The following GATAD2A variants were observed in gnomAD, a reference collection of about 807,000 sequenced individuals.
The protein encoded by GATAD2A is GATA zinc finger domain containing 2A, also known as transcriptional repressor p66-alpha.
A neutral mutation model predicts 68.5 loss-of-function variants in GATAD2A; 12 were observed. The observed-to-expected ratio is 0.18, with a 90% CI of 0.11 to 0.28. The LOEUF (loss-of-function observed/expected upper bound fraction) is 0.28, where lower values mean the gene tolerates loss of function less well. Among genes scored for constraint, GATAD2A ranks in the 10% least tolerant of loss-of-function variants. GATAD2A has a pLI of 1.00. For synonymous variants in GATAD2A, 410 were observed against 375.3 expected (o/e 1.09, Z -1.07); for missense variants, 755 against 868.5 (o/e 0.87, Z 1.64).
chr19:19,462,969 GTTTC>G (rs2057569731), intron 1 of GATAD2A, among the ~76,000 whole-genome samples: 2 of 152,140 alleles, frequency 1.3e-5, no homozygotes, highest in Non-Finnish European at 2.9e-5. Context: ...GAGCATGGGG[GTTTC>G]TTTGAGTCAC....
At chr19:19,502,952 C>T (rs1386369368) in intron 11 of GATAD2A, among the ~76,000 whole-genome samples, 2 of 152,182 alleles carry the variant, frequency 1.3e-5, no homozygotes, top group Non-Finnish European at 2.9e-5. Context: ...CAAAGTAGAA[C>T]AGTAATGCGG....
chr19:19,465,292 C>T lies in GATAD2A; in HGVS notation c.-6-48C>T, dbSNP rs1374804908. 1.3e-5 allele frequency: 19 copies of T among 1,439,462 alleles called. No individual in the cohort carries two copies. The East Asian group carries it at 4.1e-4, about 31-fold the overall frequency. The allele number at this position is 1,439,462 out of a possible 1,614,324, so 89.2% of individuals were successfully genotyped here. The stretch of plus-strand genomic sequence containing the variant: ...CTGAAAAGTCTCCAAGAAGGTGGCA[C>T]CTTCATTGCACCCAGTTAAAATGTT... On this transcript the variant is annotated intron_variant, in intron 1 of 11. Transcript: ENST00000683918.
At chr19:19,463,878 G>A (rs2057664821) in intron 1 of GATAD2A, among the ~76,000 whole-genome samples, 1 of 152,226 alleles carries the variant, frequency 6.6e-6, no homozygotes, top group African/African-American at 2.4e-5. Flanking sequence ...CCAGGAGCGT[G>A]AAGCAGCTGT....
rs142110606 is a variant in GATAD2A, at chr19:19,464,390, C to T, written c.-6-950C>T. On this transcript the variant is annotated intron_variant, in intron 1 of 11. Transcript: ENST00000683918. ...ATTCCTGTGCCCTGTCCTGTTGGGACGTCGAGGCCGGGATTAGAGCAGCCC... is the reference window on the plus strand; with the variant it reads ...ATTCCTGTGCCCTGTCCTGTTGGGATGTCGAGGCCGGGATTAGAGCAGCCC... Among the ~76,000 whole-genome samples, 588 of 152,294 alleles carry T rather than the reference C, an allele frequency of 3.9e-3. 2 individuals are homozygous for T. The highest frequency in any genetic ancestry group is 9.7e-3 in the South Asian group (47 of 4,824).
At chr19:19,466,533 C>T (rs1451142530) in intron 2 of GATAD2A, among the ~76,000 whole-genome samples, 2 of 152,240 alleles carry the variant, frequency 1.3e-5, no homozygotes, top group African/African-American at 4.8e-5. Context: ...CTTCCCGTGT[C>T]AGCTAACCCC....
chr19:19,444,368 C>T (rs992979077), intron 1 of GATAD2A, among the ~76,000 whole-genome samples: 2 of 152,122 alleles, frequency 1.3e-5, no homozygotes, highest in African/African-American at 4.8e-5. Context: ...GGGACTTCAA[C>T]CCTGCCTCTC....
intron 1 of GATAD2A, among the ~76,000 whole-genome samples, chr19:19,455,455 A>G (rs1282177497): frequency 6.6e-6 from 1 of 151,932 alleles, no homozygotes; most frequent in Non-Finnish European, 1.5e-5. Flanking sequence ...GTGCCGCGCC[A>G]CTCCACTCCA....
intron 1 of GATAD2A, among the ~76,000 whole-genome samples, chr19:19,454,282 C>T (rs1409819868): frequency 6.6e-6 from 1 of 151,166 alleles, no homozygotes; most frequent in Non-Finnish European, 1.5e-5. Flanking sequence ...AGGCATGAGC[C>T]ACCACACCCG....
intron 1 of GATAD2A, among the ~76,000 whole-genome samples, chr19:19,412,285 A>G (rs2051050521): frequency 6.6e-6 from 1 of 151,570 alleles, no homozygotes. Context: ...CCTCCCAAGT[A>G]GCTGGGACTA....
rs571575029 is a variant in GATAD2A at position 19,470,159 on chromosome 19, T to A, written c.269+4545T>A. Reference sequence around the variant, plus strand: ...TGCGACTTTATTTTTTTTTTTGTTTTTTTTTTTTTGAGACAGAGTCTCACT... The same window carrying A: ...TGCGACTTTATTTTTTTTTTTGTTTATTTTTTTTTGAGACAGAGTCTCACT... On this transcript the variant is annotated intron_variant, in intron 2 of 11. Transcript: ENST00000683918. Among the ~76,000 whole-genome samples the A allele has an allele frequency of 3.8e-3, 571 of 148,868 alleles. 10 individuals carry two copies. The highest frequency in any genetic ancestry group is 0.013 in the African/African-American group (547 of 40,742).
At chr19:19,420,433 G>A (rs2052259283) in intron 1 of GATAD2A, among the ~76,000 whole-genome samples, 3 of 147,514 alleles carry the variant, frequency 2.0e-5, no homozygotes, top group Non-Finnish European at 3.0e-5. Flanking sequence ...CCAGGTTCCC[G>A]CCATTCTCCT....
chr19:19,448,582 G>A (rs937104334), intron 1 of GATAD2A, among the ~76,000 whole-genome samples: 11 of 152,174 alleles, frequency 7.2e-5, no homozygotes, highest in Non-Finnish European at 1.6e-4. Context: ...TCCGCCTGCC[G>A]GGTTCAAGCA....
intron 1 of GATAD2A, among the ~76,000 whole-genome samples, chr19:19,439,619 G>C (rs552266137): frequency 1.3e-5 from 2 of 152,100 alleles, no homozygotes; most frequent in Admixed American, 1.3e-4. Context: ...AGGCTGAAGC[G>C]GGTGGGTCAT....
At chr19:19,469,432 A>AAAAAAAAAAG (rs145678889) in intron 2 of GATAD2A, among the ~76,000 whole-genome samples, 6 of 64,450 alleles carry the variant, frequency 9.3e-5, no homozygotes, top group Non-Finnish European at 1.7e-4. Context: ...ACTCCATCTC[A>AAAAAAAAAAG]AAAAAAAAGA....
chr19:19,431,509 T>A (rs775355372), intron 1 of GATAD2A, among the ~76,000 whole-genome samples: 3 of 150,522 alleles, frequency 2.0e-5, no homozygotes, highest in Non-Finnish European at 4.4e-5. Flanking sequence ...GTGTGGCCAG[T>A]ATGGTGAAAC....
intron 1 of GATAD2A, among the ~76,000 whole-genome samples, chr19:19,457,453 T>G (rs955890405): frequency 9.2e-5 from 14 of 152,068 alleles, no homozygotes; most frequent in Non-Finnish European, 1.5e-4. Context: ...TAAACATGAT[T>G]AACAAGGCCA....
chr19:19,401,358 C>T (rs553839588), upstream of GATAD2A, among the ~76,000 whole-genome samples: 7 of 151,670 alleles, frequency 4.6e-5, no homozygotes, highest in East Asian at 7.9e-4. Context: ...GGACTACAGG[C>T]GCGTGCCACC....
chr19:19,416,277 AG>A (rs2051630464), intron 1 of GATAD2A, among the ~76,000 whole-genome samples: 1 of 152,042 alleles, frequency 6.6e-6, no homozygotes, highest in Non-Finnish European at 1.5e-5. Context: ...GGCAAGAGCG[AG>A]GGCCTTAACA....
At position 19,465,644 on chromosome 19, in the gene GATAD2A, G is replaced by A. The variant is rs371075324; in HGVS notation, c.269+30G>A. On this transcript the variant is annotated intron_variant, in intron 2 of 11. Coordinates refer to ENST00000683918, the MANE Select transcript of GATAD2A (RefSeq NM_001384528.1). ...GTGGGAGGAGCCAGCGGGAGGGGCTGGAACCTGGAGACAAGCCCAGTGTGC... is the reference window on the plus strand; with the variant it reads ...GTGGGAGGAGCCAGCGGGAGGGGCTAGAACCTGGAGACAAGCCCAGTGTGC... 575 of 1,568,748 alleles carry A rather than the reference G, an allele frequency of 3.7e-4. 4 individuals carry two copies. The South Asian group carries it at 3.8e-3, about 10-fold the overall frequency.
Sources: gnomAD v4.1 joint callset for allele counts (sites outside exome capture counted in the v4.1 genomes callset) on GRCh38, gnomAD v4.1.1 for gene constraint, MANE v1.5 for transcripts, NCBI Gene and HGNC (gene_info 2026-07-23, HGNC 2026-07-21) for gene names.